The following ADCY2 variants were observed in gnomAD, a reference collection of about 807,000 sequenced individuals.
ADCY2 encodes the protein adenylate cyclase type 2.
In ADCY2, 31 loss-of-function variants were observed where a neutral mutation model predicts 125.2. That is an observed-to-expected ratio of 0.25 (90% CI 0.19 to 0.33). ADCY2 has a LOEUF of 0.33. ADCY2 is among the 10% of genes least tolerant of loss of function. The pLI, the probability that ADCY2 is intolerant of heterozygous loss-of-function variation, is 1.00. For missense variants in ADCY2, 904 were observed against 1,418.2 expected (o/e 0.64, Z 5.82); for synonymous variants, 512 against 548.4 (o/e 0.93, Z 0.93).
At chr5:7,626,069 T>A in intron 3 of ADCY2, 98 bp from the exon 4 acceptor site, 1 of 1,325,730 alleles carries the variant, frequency 7.5e-7, no homozygotes, top group Non-Finnish European at 1.0e-6. Context: ...TTCCTGCAGT[T>A]ATCTCTCTGA....
intron 1 of ADCY2, among the ~76,000 whole-genome samples, chr5:7,399,670 G>A (rs1009036563): frequency 2.0e-5 from 3 of 152,224 alleles, no homozygotes; most frequent in African/African-American, 4.8e-5. Context: ...AAATTTGATG[G>A]CATGTCTTGA....
intron 2 of ADCY2, among the ~76,000 whole-genome samples, chr5:7,431,394 C>T (rs1273736641): frequency 6.6e-6 from 1 of 152,056 alleles, no homozygotes; most frequent in Non-Finnish European, 1.5e-5. Context: ...TAAAAGTTAA[C>T]ATGAGATGGA....
chr5:7,469,680 T>G (rs1742265410), intron 2 of ADCY2, among the ~76,000 whole-genome samples: 1 of 151,852 alleles, frequency 6.6e-6, no homozygotes, highest in Non-Finnish European at 1.5e-5. Context: ...ATTCTATGGT[T>G]TTTTTGCCTG....
In ADCY2 at chr5:7,606,217, G is replaced by A. The variant is rs556768369; in HGVS notation, c.571-19950G>A. Among the ~76,000 whole-genome samples, 16 of 152,176 alleles carry A rather than the reference G, an allele frequency of 1.1e-4. No homozygotes were observed. In the South Asian group the frequency reaches 2.9e-3, roughly 28 times the overall value. ...ATCAAGCCAGACACTTAAGATATAT[G>A]TACTTTTCTGTTCATATGTTTTACT... On this transcript the variant is annotated intron_variant, in intron 3 of 24. Coordinates refer to ENST00000338316, the MANE Select transcript of ADCY2 (RefSeq NM_020546.3).
intron 3 of ADCY2, among the ~76,000 whole-genome samples, chr5:7,567,269 C>T (rs1416284956): frequency 6.6e-6 from 1 of 152,136 alleles, no homozygotes; most frequent in Non-Finnish European, 1.5e-5. Flanking sequence ...TTTGAATTAG[C>T]TCCCAAGAAC....
chr5:7,406,396 A>C (rs562184997), intron 1 of ADCY2, among the ~76,000 whole-genome samples: 1 of 152,274 alleles, frequency 6.6e-6, no homozygotes, highest in African/African-American at 2.4e-5. Context: ...GCCACCTCAT[A>C]TACCTAGGAT....
At chr5:7,782,170 C>G (rs1295874449) in intron 18 of ADCY2, 1 of 167,152 alleles carries the variant, frequency 6.0e-6, no homozygotes, top group Non-Finnish European at 1.5e-5. Context: ...AAATCCACTC[C>G]CCAGTCCTGC....
intron 2 of ADCY2, among the ~76,000 whole-genome samples, chr5:7,419,667 C>T (rs1375950218): frequency 6.6e-6 from 1 of 152,120 alleles, no homozygotes; most frequent in African/African-American, 2.4e-5. Context: ...GTCTAAGCCC[C>T]CAGATAAATA....
chr5:7,647,352 C>T lies in ADCY2; in HGVS notation c.720+21036C>T, dbSNP rs116483425. Among the ~76,000 whole-genome samples, 464 of 152,174 alleles carry T rather than the reference C, an allele frequency of 3.0e-3. 1 individual carries two copies. Among genetic ancestry groups the T allele is most frequent in the Admixed American group, 5.6e-3 (86 of 15,278 alleles). On this transcript the variant is annotated intron_variant, in intron 4 of 24. Transcript: ENST00000338316. ...GGCATGAGAGTCACAGAGCAGGCCA[C>T]GTAAGCAATGATAATATCTGCCACA...
chr5:7,473,904 G>C (rs1742428041), intron 2 of ADCY2, among the ~76,000 whole-genome samples: 1 of 152,118 alleles, frequency 6.6e-6, no homozygotes, highest in African/African-American at 2.4e-5. Context: ...GCTAGCCCTG[G>C]GTCTTAGCAG....
chr5:7,647,074 T>G (rs1014154498), intron 4 of ADCY2, among the ~76,000 whole-genome samples: 1 of 152,208 alleles, frequency 6.6e-6, no homozygotes, highest in Non-Finnish European at 1.5e-5. Flanking sequence ...ACCTTCATCC[T>G]ATTCAGGATT....
intron 3 of ADCY2, among the ~76,000 whole-genome samples, chr5:7,563,403 G>A (rs1735787519): frequency 1.3e-5 from 2 of 152,190 alleles, no homozygotes; most frequent in Non-Finnish European, 2.9e-5. Flanking sequence ...GTCCACAGAA[G>A]CTTCTGTGAG....
chr5:7,616,304 T>C (rs1420517698), intron 3 of ADCY2, among the ~76,000 whole-genome samples: 1 of 152,210 alleles, frequency 6.6e-6, no homozygotes, highest in Non-Finnish European at 1.5e-5. Context: ...TGTTCTCATA[T>C]AGAAAACTAA....
chr5:7,663,289 A>C (rs1739598533), intron 4 of ADCY2, among the ~76,000 whole-genome samples: 1 of 152,240 alleles, frequency 6.6e-6, no homozygotes, highest in East Asian at 1.9e-4. Context: ...GGCACTCCAC[A>C]TAAAGCATAA....
intron 2 of ADCY2, among the ~76,000 whole-genome samples, chr5:7,499,776 A>G (rs957977414): frequency 6.7e-6 from 1 of 149,998 alleles, no homozygotes; most frequent in Admixed American, 6.7e-5. Context: ...ACAAATAAGT[A>G]TAATGAAAAA....
chr5:7,774,525 C>T (rs144256083), intron 18 of ADCY2, among the ~76,000 whole-genome samples: 1 of 152,290 alleles, frequency 6.6e-6, no homozygotes, highest in East Asian at 1.9e-4. Flanking sequence ...TACACATCTG[C>T]AGCAAAAGAA....
intron 7 of ADCY2, among the ~76,000 whole-genome samples, chr5:7,701,373 G>A (rs1475382519): frequency 2.0e-5 from 3 of 152,038 alleles, no homozygotes; most frequent in Non-Finnish European, 4.4e-5. Flanking sequence ...AGATGTTTTC[G>A]GAGAAAGAAT....
At chr5:7,429,440 T>A (rs1007737312) in intron 2 of ADCY2, among the ~76,000 whole-genome samples, 1 of 152,172 alleles carries the variant, frequency 6.6e-6, no homozygotes, top group Non-Finnish European at 1.5e-5. Context: ...ATAGAACACG[T>A]CCCAACAATG....
rs550099601 is a variant in ADCY2, at chr5:7,727,212, T to A, written c.1822T>A (p.Cys608Ser). 2.5e-6 allele frequency: 4 copies of A among 1,614,206 alleles called. No individual in the cohort carries two copies. In the African/African-American group the frequency reaches 5.3e-5, roughly 22 times the overall value. Residue 608 changes from cysteine (C) to serine (S), a missense_variant, in exon 14 of 25, where the codon TGT becomes AGT. Coordinates refer to ENST00000338316, the MANE Select transcript of ADCY2 (RefSeq NM_020546.3). The stretch of plus-strand genomic sequence containing the variant: ...GTTCAAGTATTATGTGACTTGTGCC[T>A]GTCTCATATTCTTCTGCATCTTCAT... ...PAFKYYVTCA[C>S]LIFFCIFIVQ...
Sources: allele counts gnomAD v4.1 joint callset (sites outside exome capture counted in the v4.1 genomes callset), GRCh38; gene constraint gnomAD v4.1.1; transcripts MANE v1.5; gene names NCBI Gene and HGNC (gene_info 2026-07-23, HGNC 2026-07-21).